The following TTC28 variants were observed in gnomAD, a reference collection of about 807,000 sequenced individuals.
The protein encoded by TTC28 is tetratricopeptide repeat domain 28, also known as tetratricopeptide repeat protein 28.
TTC28 carries 61 observed loss-of-function variants against 198.0 expected under a neutral mutation model. That is an observed-to-expected ratio of 0.31 (90% confidence interval 0.25 to 0.38). TTC28 has a LOEUF of 0.38. Ranked by LOEUF, TTC28 falls within the 10% of genes least tolerant of loss-of-function variation. The pLI is 1.00. For synonymous variants in TTC28, 1,171 were observed against 1,297.8 expected (o/e 0.90, Z 2.10); for missense variants, 2,678 against 3,164.0 (o/e 0.85, Z 3.69).
At chr22:28,329,275 T>G (rs951695862) in intron 2 of TTC28, among the ~76,000 whole-genome samples, 1 of 151,888 alleles carries the variant, frequency 6.6e-6, no homozygotes, top group African/African-American at 2.4e-5. Flanking sequence ...TAAAGAAAAA[T>G]AAGCATAGAA....
At chr22:28,056,601 C>T (rs1477160236) in intron 12 of TTC28, 2 of 46,256 alleles carry the variant, frequency 4.3e-5, no homozygotes, top group Admixed American at 5.0e-4. Flanking sequence ...CAATTATTAG[C>T]CATAATACAT....
chr22:28,502,033 T>C (rs557027356), intron 2 of TTC28, among the ~76,000 whole-genome samples: 8 of 152,320 alleles, frequency 5.3e-5, no homozygotes, highest in African/African-American at 1.9e-4. Context: ...TTTTCCATCC[T>C]ATCTTTATAA....
At chr22:28,202,888 CTT>C (rs1047761927) in intron 5 of TTC28, among the ~76,000 whole-genome samples, 3 of 152,064 alleles carry the variant, frequency 2.0e-5, no homozygotes, top group African/African-American at 4.8e-5. Context: ...CAAATTTTCT[CTT>C]CTTTTTTTTA....
rs912960247 is a variant in TTC28 at position 28,399,861 on chromosome 22, A to G, written c.382-93218T>C. Among the ~76,000 whole-genome samples the G allele has an allele frequency of 2.6e-5, 4 of 152,314 alleles. No individual in the cohort carries two copies. In the East Asian group the frequency reaches 5.8e-4, roughly 22 times the overall value. ...TCTACAACCAAGAGGAGAATTCACC[A>G]GATATTCATCTTCAACAGGCAATTT... On this transcript the variant is annotated intron_variant, in intron 2 of 22. Coordinates refer to ENST00000397906, the MANE Select transcript of TTC28 (RefSeq NM_001145418.2).
At chr22:28,493,634 T>A (rs1040291008) in intron 2 of TTC28, among the ~76,000 whole-genome samples, 1 of 152,154 alleles carries the variant, frequency 6.6e-6, no homozygotes, top group South Asian at 2.1e-4. Flanking sequence ...CCACGGCAAC[T>A]AACATCACAA....
chr22:28,521,665 GTAAGACAAAAT>G (rs1452051047), intron 2 of TTC28, among the ~76,000 whole-genome samples: 1 of 152,160 alleles, frequency 6.6e-6, no homozygotes. Flanking sequence ...CTTGGGGATA[GTAAGACAAAAT>G]TAGAAACTTG....
chr22:28,002,293 G>A (rs1937734340), intron 14 of TTC28: 1 of 152,506 alleles, frequency 6.6e-6, no homozygotes, highest in Non-Finnish European at 1.5e-5. Flanking sequence ...ACAGACTGCG[G>A]TGAACAAAGA....
intron 9 of TTC28, 28 bp from the exon 10 acceptor site, chr22:28,099,072 C>T (rs1173053189): frequency 1.9e-6 from 3 of 1,551,196 alleles, no homozygotes; most frequent in Non-Finnish European, 2.6e-6. Flanking sequence ...GAACATCATC[C>T]ATTCCCCAGA....
chr22:28,314,278 C>T (rs1009371339), intron 2 of TTC28, among the ~76,000 whole-genome samples: 1 of 152,070 alleles, frequency 6.6e-6, no homozygotes, highest in Non-Finnish European at 1.5e-5. Context: ...GTGAAAATGG[C>T]CTTATTACCC....
chr22:28,004,929 C>T (rs943428730), intron 14 of TTC28, among the ~76,000 whole-genome samples: 3 of 152,236 alleles, frequency 2.0e-5, no homozygotes, highest in African/African-American at 7.2e-5. Context: ...GCCTGTCAGC[C>T]TCAGAAAGGG....
intron 2 of TTC28, among the ~76,000 whole-genome samples, chr22:28,499,395 C>G (rs907933173): frequency 1.3e-5 from 2 of 152,098 alleles, no homozygotes; most frequent in Admixed American, 6.5e-5. Flanking sequence ...ATTTTCACAT[C>G]CTTCATTAAA....
In TTC28 at chr22:28,629,063, G is replaced by T. The variant is rs570978100; in HGVS notation, c.381+489C>A. On this transcript the variant is annotated intron_variant, in intron 2 of 22. Transcript: ENST00000397906. Reference sequence around the variant, plus strand: ...GTATATATAATAAAAAACAAAGATAGTAACTTAAGGGGACTATTCAAGGGA... The same window carrying T: ...GTATATATAATAAAAAACAAAGATATTAACTTAAGGGGACTATTCAAGGGA... Among the ~76,000 whole-genome samples the T allele has an allele frequency of 1.2e-4, 19 of 152,122 alleles. 1 individual carries two copies. The South Asian group carries it at 3.7e-3, about 30-fold the overall frequency.
chr22:28,628,262 T>C (rs181722988), intron 2 of TTC28, among the ~76,000 whole-genome samples: 154 of 152,300 alleles, frequency 1.0e-3, no homozygotes, highest in Admixed American at 5.2e-4. Flanking sequence ...CCATTAACCT[T>C]TGTTAATGGG....
intron 2 of TTC28, among the ~76,000 whole-genome samples, chr22:28,576,966 C>T (rs2050161382): frequency 1.3e-5 from 2 of 151,844 alleles, no homozygotes; most frequent in African/African-American, 4.8e-5. Context: ...ACTTCACTTT[C>T]ATTTATTTCT....
intron 2 of TTC28, among the ~76,000 whole-genome samples, chr22:28,402,888 G>A (rs1253380987): frequency 6.6e-6 from 1 of 152,190 alleles, no homozygotes; most frequent in African/African-American, 2.4e-5. Context: ...AACTAGAAAC[G>A]AATTTCAAAA....
At chr22:28,372,080 C>A (rs2046346665) in intron 2 of TTC28, among the ~76,000 whole-genome samples, 3 of 151,766 alleles carry the variant, frequency 2.0e-5, no homozygotes, top group Admixed American at 1.3e-4. Context: ...AGAACAAGAC[C>A]CTGTTTCCCC....
intron 1 of TTC28, among the ~76,000 whole-genome samples, chr22:28,653,082 T>C (rs1200444134): frequency 6.6e-6 from 1 of 152,186 alleles, no homozygotes; most frequent in Non-Finnish European, 1.5e-5. Flanking sequence ...CTGAAGACAT[T>C]TGAAATTCCA....
At chr22:28,128,835 T>A (rs1411410490) in intron 6 of TTC28, among the ~76,000 whole-genome samples, 1 of 152,166 alleles carries the variant, frequency 6.6e-6, no homozygotes, top group African/African-American at 2.4e-5. Flanking sequence ...CCACTACACC[T>A]GCCCTGGAAT....
At chr22:28,460,614 GATAGA>G (rs1568958063) in intron 2 of TTC28, among the ~76,000 whole-genome samples, 11 of 5,472 alleles carry the variant, frequency 2.0e-3, no homozygotes, top group Admixed American at 5.0e-3. Context: ...ATGGTAGATA[GATAGA>G]TAGATAGATA....
Sources: allele counts gnomAD v4.1 joint callset (sites outside exome capture counted in the v4.1 genomes callset), GRCh38; gene constraint gnomAD v4.1.1; transcripts MANE v1.5; gene names NCBI Gene and HGNC (gene_info 2026-07-23, HGNC 2026-07-21).